ULK4: variants seen among roughly 807,000 people sequenced by gnomAD.
ULK4 encodes inactive serine/threonine-protein kinase ULK4.
ULK4 carries 133 observed loss-of-function variants against 160.6 expected under a neutral mutation model. The ratio of observed to expected loss-of-function variants is 0.83; its 90% CI spans 0.72 to 0.96. ULK4 has a LOEUF of 0.96. Among genes scored for constraint, ULK4 ranks in the 40% least tolerant of loss-of-function variants. The pLI is 0.00. For synonymous variants in ULK4, 534 were observed against 539.8 expected (o/e 0.99, Z 0.15); for missense variants, 1,580 against 1,499.5 (o/e 1.05, Z -0.89).
At chr3:41,690,771 C>T (rs537138636) in intron 27 of ULK4, among the ~76,000 whole-genome samples, 1 of 152,040 alleles carries the variant, frequency 6.6e-6, no homozygotes, top group South Asian at 2.1e-4. Flanking sequence ...AAAGGCCAGG[C>T]ATATGTTTCC....
chr3:41,397,401 T>C (rs1019867092), intron 35 of ULK4, among the ~76,000 whole-genome samples: 3 of 152,184 alleles, frequency 2.0e-5, no homozygotes, highest in Middle Eastern at 6.8e-3. Flanking sequence ...TACACATTGA[T>C]TAAACCAAGT....
In ULK4 at chr3:41,625,511, T is replaced by G. The variant is rs541979695; in HGVS notation, c.3072-9794A>C. 2.0e-5 allele frequency among the ~76,000 whole-genome samples: 3 copies of G among 152,244 alleles called. No individual in the cohort carries two copies. The East Asian group carries it at 5.8e-4, about 29-fold the overall frequency. ...CGCACCCTTCATTTGATGCAGTACT[T>G]TGGAGAGCAGCTCCGGTGCTCAGGC... On this transcript the variant is annotated intron_variant, in intron 30 of 36. Coordinates refer to ENST00000301831, the MANE Select transcript of ULK4 (RefSeq NM_017886.4).
At chr3:41,817,066 C>CTGTG (rs55996693) in intron 19 of ULK4, among the ~76,000 whole-genome samples, 8,127 of 148,932 alleles carry the variant, frequency 0.055, 617 homozygotes, top group African/African-American at 0.17. Flanking sequence ...TGTGGGGAAA[C>CTGTG]TGTGTGTGTG....
chr3:41,415,264 C>T (rs1257489605), intron 34 of ULK4, among the ~76,000 whole-genome samples: 1 of 152,128 alleles, frequency 6.6e-6, no homozygotes, highest in Non-Finnish European at 1.5e-5. Context: ...TGTAGAAAAG[C>T]TCTGGCCTGA....
chr3:41,598,840 T>C (rs1414896273), intron 31 of ULK4, among the ~76,000 whole-genome samples: 1 of 152,258 alleles, frequency 6.6e-6, no homozygotes, highest in Non-Finnish European at 1.5e-5. Context: ...ACAGACGTTG[T>C]GGCTTAAAAC....
At chr3:41,643,590 T>C (rs1482229113) in intron 30 of ULK4, among the ~76,000 whole-genome samples, 2 of 152,246 alleles carry the variant, frequency 1.3e-5, no homozygotes, top group South Asian at 2.1e-4. Context: ...TTTTGGTTAC[T>C]GTAGCCTTGT....
chr3:41,485,654 G>A (rs2084499971), intron 32 of ULK4, among the ~76,000 whole-genome samples: 1 of 152,182 alleles, frequency 6.6e-6, no homozygotes, highest in South Asian at 2.1e-4. Flanking sequence ...TGATGTTGCG[G>A]GAGGTGTAGA....
chr3:41,819,263 T>C (rs571425362), intron 19 of ULK4, among the ~76,000 whole-genome samples, 160 bp downstream of exon 19: 2 of 152,334 alleles, frequency 1.3e-5, no homozygotes, highest in Admixed American at 6.5e-5. Context: ...CTTGCTCCAC[T>C]GTAGGTCACT....
chr3:41,392,928 A>C (rs1185695593), intron 35 of ULK4, among the ~76,000 whole-genome samples: 15 of 152,160 alleles, frequency 9.9e-5, no homozygotes, highest in Admixed American at 9.8e-4. Flanking sequence ...AAGTCACAGG[A>C]AACTTCTGCT....
intron 21 of ULK4, among the ~76,000 whole-genome samples, chr3:41,757,699 T>C (rs574681445): frequency 2.1e-5 from 3 of 145,704 alleles, no homozygotes; most frequent in South Asian, 4.6e-4. Flanking sequence ...AGTGGTGCAA[T>C]CTCGGCTCAC....
At chr3:41,414,383 G>A (rs541705708) in intron 34 of ULK4, among the ~76,000 whole-genome samples, 1 of 151,942 alleles carries the variant, frequency 6.6e-6, no homozygotes, top group African/African-American at 2.4e-5. Context: ...ACTTACATTT[G>A]AATTTTAAAA....
At chr3:41,702,297 A>C (rs1417079187) in intron 27 of ULK4, among the ~76,000 whole-genome samples, 1 of 152,106 alleles carries the variant, frequency 6.6e-6, no homozygotes, top group African/African-American at 2.4e-5. Context: ...GGCAAGTGCC[A>C]CCACATCCAG....
chr3:41,357,396 G>A (rs964326958), intron 35 of ULK4, among the ~76,000 whole-genome samples: 1 of 152,150 alleles, frequency 6.6e-6, no homozygotes, highest in Non-Finnish European at 1.5e-5. Context: ...TGTTCATGGC[G>A]TGTGGGGTAG....
intron 30 of ULK4, among the ~76,000 whole-genome samples, chr3:41,647,507 G>A (rs935511448): frequency 1.2e-4 from 19 of 152,134 alleles, no homozygotes; most frequent in Non-Finnish European, 1.8e-4. Context: ...GCAGAACAGC[G>A]GATTTTCGCG....
intron 35 of ULK4, among the ~76,000 whole-genome samples, chr3:41,343,282 C>T (rs2080724414): frequency 6.8e-6 from 1 of 146,658 alleles, no homozygotes; most frequent in African/African-American, 2.5e-5. Context: ...ATGCCATTGT[C>T]TCAGCCCAAA....
At chr3:41,326,491 GAATAAT>G (rs937041758) in intron 35 of ULK4, among the ~76,000 whole-genome samples, 1 of 150,792 alleles carries the variant, frequency 6.6e-6, no homozygotes. Flanking sequence ...AACATACATA[GAATAAT>G]AATATATGTT....
At chr3:41,737,420 A>G (rs1016138616) in intron 22 of ULK4, among the ~76,000 whole-genome samples, 6 of 151,972 alleles carry the variant, frequency 3.9e-5, no homozygotes, top group Middle Eastern at 6.8e-3. Flanking sequence ...AATCAATATC[A>G]TGAAAATGGC....
At chr3:41,858,640 G>A (rs747976924) in intron 17 of ULK4, among the ~76,000 whole-genome samples, 43 of 146,626 alleles carry the variant, frequency 2.9e-4, no homozygotes, top group Non-Finnish European at 6.3e-4. Context: ...CTACAGGCAC[G>A]TGCCACCATG....
chr3:41,287,461 C>T (rs1429035201), intron 35 of ULK4, among the ~76,000 whole-genome samples: 3 of 152,146 alleles, frequency 2.0e-5, no homozygotes, highest in African/African-American at 7.2e-5. Flanking sequence ...GAATATGATG[C>T]TTATCTTCAT....
Sources: allele counts gnomAD v4.1 joint callset (sites outside exome capture counted in the v4.1 genomes callset), GRCh38; gene constraint gnomAD v4.1.1; transcripts MANE v1.5; gene names NCBI Gene and HGNC (gene_info 2026-07-23, HGNC 2026-07-21).